The following PRKG1 variants were observed in gnomAD, a reference collection of about 807,000 sequenced individuals.
PRKG1 encodes the protein protein kinase cGMP-dependent 1, also known as cGMP-dependent protein kinase 1.
Under a neutral mutation model 88.1 loss-of-function variants are expected in PRKG1, and 35 were observed. The ratio of observed to expected loss-of-function variants is 0.40; its 90% confidence interval spans 0.30 to 0.53. PRKG1 has a LOEUF of 0.53. PRKG1 is among the 20% of genes least tolerant of loss of function. PRKG1 has a pLI of 0.59. For missense variants in PRKG1, 540 were observed against 839.8 expected (o/e 0.64, Z 4.41); for synonymous variants, 303 against 292.5 (o/e 1.04, Z -0.37).
intron 7 of PRKG1, among the ~76,000 whole-genome samples, chr10:52,122,024 G>C (rs1417039817): frequency 6.6e-6 from 1 of 152,158 alleles, no homozygotes; most frequent in Non-Finnish European, 1.5e-5. Context: ...AGCTATAACA[G>C]AATACCCGAA....
intron 3 of PRKG1, among the ~76,000 whole-genome samples, chr10:51,731,854 G>C (rs935592802): frequency 5.3e-5 from 8 of 152,144 alleles, no homozygotes; most frequent in Non-Finnish European, 8.8e-5. Flanking sequence ...TAATGTCAAG[G>C]TGTTTAAAGT....
intron 1 of PRKG1, among the ~76,000 whole-genome samples, chr10:51,095,674 A>G (rs1056210976): frequency 3.3e-5 from 5 of 152,152 alleles, no homozygotes; most frequent in African/African-American, 7.2e-5. Context: ...GTATTGGCGC[A>G]GTGTGATACT....
intron 1 of PRKG1, among the ~76,000 whole-genome samples, chr10:51,056,132 T>C (rs539710536): frequency 4.6e-5 from 7 of 152,290 alleles, no homozygotes; most frequent in Non-Finnish European, 7.4e-5. Flanking sequence ...GGGGCAGCAG[T>C]TGTGATGAAG....
At chr10:51,417,784 G>A (rs11595066) in intron 2 of PRKG1, among the ~76,000 whole-genome samples, 3,622 of 152,052 alleles carry the variant, frequency 0.024, 67 homozygotes, top group Non-Finnish European at 0.039. Context: ...TATCCTCATC[G>A]TGATCATGAA....
chr10:51,619,895 A>G (rs1032263961), intron 3 of PRKG1, among the ~76,000 whole-genome samples: 2 of 152,148 alleles, frequency 1.3e-5, no homozygotes, highest in African/African-American at 4.8e-5. Context: ...GAGAAGCATC[A>G]ATTGAGTTTG....
intron 9 of PRKG1, among the ~76,000 whole-genome samples, chr10:52,237,958 G>C (rs1209395724): frequency 7.6e-6 from 1 of 131,796 alleles, no homozygotes; most frequent in Non-Finnish European, 1.6e-5. Context: ...CATGGTACTG[G>C]TACCAAAACA....
At chr10:52,031,925 CCCACAAGGGAAAAGGCAT>C (rs2133210890) in intron 5 of PRKG1, among the ~76,000 whole-genome samples, 1 of 152,134 alleles carries the variant, frequency 6.6e-6, no homozygotes, top group South Asian at 2.1e-4. Context: ...AGATGTGAAG[CCCACAAGGGAAAAGGCAT>C]CCACAATACA....
chr10:51,855,928 C>G (rs1335681084), intron 4 of PRKG1, among the ~76,000 whole-genome samples: 2 of 152,118 alleles, frequency 1.3e-5, no homozygotes, highest in Non-Finnish European at 2.9e-5. Flanking sequence ...GGAAGAAATC[C>G]AAAGTATGTC....
At chr10:52,047,130 G>GA (rs1845880019) in intron 5 of PRKG1, among the ~76,000 whole-genome samples, 1 of 152,090 alleles carries the variant, frequency 6.6e-6, no homozygotes, top group Non-Finnish European at 1.5e-5. Flanking sequence ...AGGAAAATTA[G>GA]AAAAAGTGTT....
chr10:51,334,258 C>G (rs1230541593), intron 2 of PRKG1, among the ~76,000 whole-genome samples: 4 of 151,366 alleles, frequency 2.6e-5, no homozygotes, highest in Non-Finnish European at 5.9e-5. Flanking sequence ...TTCTACTACT[C>G]TTCAGATCAG....
chr10:51,261,839 C>G (rs570529619), intron 2 of PRKG1, among the ~76,000 whole-genome samples: 1 of 149,942 alleles, frequency 6.7e-6, no homozygotes, highest in Non-Finnish European at 1.5e-5. Flanking sequence ...AGCAGAGTGT[C>G]GGTAGATGGA....
intron 1 of PRKG1, among the ~76,000 whole-genome samples, chr10:51,132,027 C>T (rs1162697111): frequency 1.3e-5 from 2 of 152,004 alleles, no homozygotes; most frequent in African/African-American, 4.8e-5. Flanking sequence ...CTATTCCCAG[C>T]CCACCCCTCT....
At chr10:52,278,931 T>A (rs1246981762) in intron 12 of PRKG1, among the ~76,000 whole-genome samples, 1 of 151,380 alleles carries the variant, frequency 6.6e-6, no homozygotes, top group Admixed American at 6.6e-5. Context: ...ACAAGATATA[T>A]AGTTTGAAAT....
intron 3 of PRKG1, among the ~76,000 whole-genome samples, chr10:51,515,693 G>A (rs2132068452): frequency 6.6e-6 from 1 of 152,216 alleles, no homozygotes; most frequent in African/African-American, 2.4e-5. Flanking sequence ...CACACAATGA[G>A]TACCCAATCA....
At chr10:51,860,382 C>T (rs754034894) in intron 4 of PRKG1, among the ~76,000 whole-genome samples, 11 of 152,184 alleles carry the variant, frequency 7.2e-5, no homozygotes, top group Non-Finnish European at 1.5e-4. Context: ...CTAGCTGTGT[C>T]AGCAGAAAAG....
chr10:51,679,725 T>G (rs568493452), intron 3 of PRKG1, among the ~76,000 whole-genome samples: 2 of 54,388 alleles, frequency 3.7e-5, no homozygotes, highest in African/African-American at 1.3e-4. Flanking sequence ...TTTTTTAATG[T>G]TTTTTTTTTT....
chr10:50,991,387 G>A lies in PRKG1; in HGVS notation c.9G>A (p.Glu3=). The A allele has an allele frequency of 6.5e-7, 1 of 1,542,870 alleles. No individual in the cohort carries two copies. The highest frequency in any genetic ancestry group is 2.6e-5 in the East Asian group (1 of 39,046). Reference sequence around the variant, plus strand: ...AGGGGCTCAGTGAAAAAATGAGCGAGCTAGAGGAAGACTTTGCCAAGATTC... The same window carrying A: ...AGGGGCTCAGTGAAAAAATGAGCGAACTAGAGGAAGACTTTGCCAAGATTC... The change falls in exon 1 of 18, where the codon GAG becomes GAA. Residue 3 remains glutamate, a synonymous_variant. Transcript: ENST00000401604. This position sits in a 1 kb window ranked among gnomAD's most constrained non-coding sequence, Gnocchi z 4.5.
chr10:51,631,217 C>T (rs957730524), intron 3 of PRKG1, among the ~76,000 whole-genome samples: 1 of 152,172 alleles, frequency 6.6e-6, no homozygotes, highest in East Asian at 1.9e-4. Context: ...GTCTTTCCCC[C>T]TCTTCAAAGA....
chr10:51,269,436 T>C (rs1047138732), intron 2 of PRKG1, among the ~76,000 whole-genome samples: 2 of 152,128 alleles, frequency 1.3e-5, no homozygotes, highest in African/African-American at 4.8e-5. Flanking sequence ...GCAGCACAAC[T>C]TGCAATTGCA....
Sources: gnomAD v4.1 joint callset for allele counts (sites outside exome capture counted in the v4.1 genomes callset) on GRCh38, gnomAD v4.1.1 for gene constraint, Gnocchi (gnomAD v3.1) non-coding constraint, MANE v1.5 for transcripts, NCBI Gene and HGNC (gene_info 2026-07-23, HGNC 2026-07-21) for gene names.